EGF: variants seen among roughly 807,000 people sequenced by gnomAD.
EGF encodes epidermal growth factor, also known as pro-epidermal growth factor.
Under a neutral mutation model 143.8 loss-of-function variants are expected in EGF, and 95 were observed. That is an observed-to-expected ratio of 0.66 (90% CI 0.56 to 0.78). The LOEUF (loss-of-function observed/expected upper bound fraction) is 0.78, where lower values mean the gene tolerates loss of function less well. Ranked by LOEUF, EGF falls within the 30% of genes least tolerant of loss-of-function variation. The pLI, the probability that EGF is intolerant of heterozygous loss-of-function variation, is 0.00. For synonymous variants in EGF, 510 were observed against 510.5 expected (o/e 1.00, Z 0.01); for missense variants, 1,320 against 1,470.9 (o/e 0.90, Z 1.68).
intron 1 of EGF, among the ~76,000 whole-genome samples, chr4:109,915,032 T>C (rs1736380356): frequency 6.6e-6 from 1 of 152,228 alleles, no homozygotes; most frequent in Non-Finnish European, 1.5e-5. Flanking sequence ...TGGATGGCTC[T>C]AGGATCTCAG....
At chr4:109,979,844 T>C in intron 13 of EGF, 128 bp from the exon 14 acceptor site, 1 of 1,134,728 alleles carries the variant, frequency 8.8e-7, no homozygotes, top group Non-Finnish European at 1.3e-6. Context: ...GGCTCACTCA[T>C]AACTTGCTGA....
At chr4:109,944,635 G>T (rs1742533638) in intron 4 of EGF, among the ~76,000 whole-genome samples, 1 of 152,212 alleles carries the variant, frequency 6.6e-6, no homozygotes, top group African/African-American at 2.4e-5. Context: ...CACATAATAA[G>T]TTCTCACATG....
chr4:109,952,458 G>A lies in EGF; in HGVS notation c.941-6854G>A, dbSNP rs1008027562. Among the ~76,000 whole-genome samples, 7 of 152,234 alleles carry A rather than the reference G, an allele frequency of 4.6e-5. No homozygotes were observed. In the East Asian group the frequency reaches 1.4e-3, roughly 29 times the overall value. On this transcript the variant is annotated intron_variant, in intron 5 of 23. Transcript: ENST00000265171. ...TCCACCTGGAAATGTACTTGCTTCT[G>A]GAAGCAATTAGTATAGCTAAAATTG... is the stretch of plus-strand genomic sequence containing the variant.
rs1269476178 is a variant in EGF, at chr4:109,943,277, T to C, written c.351T>C (p.Asn117=). Residue 117 remains asparagine (N), a synonymous_variant, in exon 3 of 24, where the codon AAT becomes AAC. Coordinates refer to ENST00000265171, the MANE Select transcript of EGF (RefSeq NM_001963.6). Reference sequence around the variant, plus strand: ...AGAGAGTATGTAATATAGAGAAAAATGTTTCTGGAATGGCAATAAATTGGA... The same window carrying C: ...AGAGAGTATGTAATATAGAGAAAAACGTTTCTGGAATGGCAATAAATTGGA... ...RQERVCNIEK[N]VSGMAINWIN... The C allele has an allele frequency of 1.9e-6, 3 of 1,607,010 alleles. No homozygotes were observed. The highest frequency in any genetic ancestry group is 2.2e-5 in the East Asian group (1 of 44,728).
intron 11 of EGF, among the ~76,000 whole-genome samples, chr4:109,970,710 A>G (rs1387904014): frequency 1.3e-5 from 2 of 151,690 alleles, no homozygotes; most frequent in African/African-American, 4.8e-5. Context: ...CTGTAGTCCC[A>G]GCTACTCAGG....
At chr4:109,937,322 A>G (rs1741006556) in intron 1 of EGF, among the ~76,000 whole-genome samples, 1 of 149,538 alleles carries the variant, frequency 6.7e-6, no homozygotes, top group Non-Finnish European at 1.5e-5. Flanking sequence ...TTGTTTCTCT[A>G]AAGTCTGTTT....
intron 5 of EGF, among the ~76,000 whole-genome samples, chr4:109,955,196 A>G (rs764014237): frequency 6.6e-6 from 1 of 152,328 alleles, no homozygotes; most frequent in African/African-American, 2.4e-5. Context: ...ACTGGGCTAT[A>G]GTAAAGCTCA....
chr4:109,980,163 G>A (rs1749122190), intron 14 of EGF, 24 bp downstream of exon 14: 1 of 1,564,740 alleles, frequency 6.4e-7, no homozygotes, highest in South Asian at 1.2e-5. Context: ...ATGTTACACA[G>A]TCTTTCCTTG....
intron 20 of EGF, among the ~76,000 whole-genome samples, chr4:109,997,769 G>T (rs1280163687): frequency 6.6e-6 from 1 of 152,098 alleles, no homozygotes; most frequent in African/African-American, 2.4e-5. Context: ...AGGCTGAGGT[G>T]GGAGAATCGC....
chr4:109,976,332 G>A (rs376602377), intron 13 of EGF, 97 bp downstream of exon 13: 13 of 1,068,082 alleles, frequency 1.2e-5, no homozygotes, highest in East Asian at 5.1e-5. Context: ...CCACTTAGCC[G>A]TATGGGTGAA....
intron 7 of EGF, among the ~76,000 whole-genome samples, 178 bp downstream of exon 7, chr4:109,961,167 G>A (rs900909900): frequency 6.6e-6 from 1 of 151,294 alleles, no homozygotes; most frequent in Admixed American, 6.6e-5. Flanking sequence ...GCAACATGGT[G>A]AGACCCTATC....
In EGF at chr4:109,976,048, A is replaced by G. The variant is rs1450798307; in HGVS notation, c.1866A>G (p.Arg622=). 1.9e-6 allele frequency: 3 copies of G among 1,613,988 alleles called. No individual in the cohort carries two copies. In the Admixed American group the frequency reaches 5.0e-5, roughly 27 times the overall value. Residue 622 remains arginine (R), a synonymous_variant, in exon 13 of 24, where the codon CGA becomes CGG. Coordinates refer to ENST00000265171, the MANE Select transcript of EGF (RefSeq NM_001963.6). The part of the protein sequence containing the change: ...LFWTDTGINP[R]IESSSLQGLG... ...GGACTGATACAGGGATTAATCCACG[A>G]ATTGAAAGTTCTTCCCTCCAAGGCC...
At chr4:109,960,765 T>C (rs1745557312) in intron 6 of EGF, 102 bp from the exon 7 acceptor site, 1 of 1,345,288 alleles carries the variant, frequency 7.4e-7, no homozygotes, top group Non-Finnish European at 1.1e-6. Context: ...TTACAGCATA[T>C]ACAAGTGTGA....
intron 18 of EGF, among the ~76,000 whole-genome samples, chr4:109,989,825 T>C (rs1231347621): frequency 6.6e-6 from 1 of 152,140 alleles, no homozygotes; most frequent in East Asian, 1.9e-4. Context: ...GAGCACGCAA[T>C]GGGGTGTGCT....
chr4:110,006,765 C>A (rs563628142), intron 22 of EGF, among the ~76,000 whole-genome samples: 15 of 152,316 alleles, frequency 9.8e-5, no homozygotes, highest in Admixed American at 9.8e-4. Flanking sequence ...TGGCTCAGAG[C>A]TATGTTGGGA....
At chr4:109,962,469 T>C (rs1448606641) in intron 8 of EGF, among the ~76,000 whole-genome samples, 1 of 152,216 alleles carries the variant, frequency 6.6e-6, no homozygotes, top group Non-Finnish European at 1.5e-5. Context: ...GAATTGTGTG[T>C]GTGTTTTTGA....
At chr4:109,935,225 C>G (rs1487345710) in intron 1 of EGF, among the ~76,000 whole-genome samples, 5 of 152,290 alleles carry the variant, frequency 3.3e-5, no homozygotes, top group African/African-American at 1.2e-4. Context: ...TTTGTGTCCT[C>G]TTTTACTTCC....
At position 109,980,883 on chromosome 4, in the gene EGF, T is replaced by C; in HGVS notation, c.2279T>C (p.Leu760Pro). The change falls in exon 15 of 24, where the codon CTT becomes CCT. Residue 760 changes from leucine to proline, a missense_variant. This residue lies in a region of EGF where 1,186 missense variants were observed against 1,313.7 expected (regional missense o/e 0.90). Coordinates refer to ENST00000265171, the MANE Select transcript of EGF (RefSeq NM_001963.6). ...GGCEHICKKR[L>P]GTAWCSCREG... ...TGTGAACATATTTGCAAAAAGAGGC[T>C]TGGAACTGCTTGGTGTTCGTGTCGT... 6.2e-7 allele frequency: 1 copy of C among 1,614,110 alleles called. No individual in the cohort carries two copies. Among genetic ancestry groups the C allele is most frequent in the Non-Finnish European group, 8.5e-7 (1 of 1,179,976 alleles).
At chr4:109,933,676 G>A (rs1740229237) in intron 1 of EGF, among the ~76,000 whole-genome samples, 1 of 151,996 alleles carries the variant, frequency 6.6e-6, no homozygotes, top group South Asian at 2.1e-4. Context: ...TGCGGTGTTT[G>A]GTTTTCTGTC....
Sources: allele counts gnomAD v4.1 joint callset (sites outside exome capture counted in the v4.1 genomes callset), GRCh38; gene constraint gnomAD v4.1.1; regional missense constraint gnomAD v4.1.1; transcripts MANE v1.5; gene names NCBI Gene and HGNC (gene_info 2026-07-23, HGNC 2026-07-21).